The following NAP1L4 variants were observed in gnomAD, a reference collection of about 807,000 sequenced individuals.
NAP1L4 encodes nucleosome assembly protein 1 like 4.
A neutral mutation model predicts 58.2 loss-of-function variants in NAP1L4; 15 were observed. That is an observed-to-expected ratio of 0.26 (90% CI 0.17 to 0.40). The LOEUF (loss-of-function observed/expected upper bound fraction) is 0.40, where lower values mean the gene tolerates loss of function less well. NAP1L4 is among the 10% of genes least tolerant of loss of function. The pLI, the probability that NAP1L4 is intolerant of heterozygous loss-of-function variation, is 1.00. For missense variants in NAP1L4, 384 were observed against 451.1 expected (o/e 0.85, Z 1.35); for synonymous variants, 171 against 155.6 (o/e 1.10, Z -0.74).
intron 1 of NAP1L4, among the ~76,000 whole-genome samples, chr11:2,980,662 G>A (rs905826134): frequency 6.6e-6 from 1 of 152,074 alleles, no homozygotes; most frequent in African/African-American, 2.4e-5. Context: ...ACTGGCCAAT[G>A]TTCATTCTTC....
intron 8 of NAP1L4, among the ~76,000 whole-genome samples, chr11:2,960,698 C>CA (rs905018951): frequency 3.9e-5 from 6 of 151,912 alleles, no homozygotes; most frequent in South Asian, 2.1e-4. Flanking sequence ...TTGGCAATAT[C>CA]AAAAAAAATT....
intron 15 of NAP1L4, among the ~76,000 whole-genome samples, chr11:2,947,799 T>C (rs1302512429): frequency 6.6e-6 from 1 of 151,778 alleles, no homozygotes; most frequent in East Asian, 1.9e-4. Context: ...ATTTAAAAGG[T>C]GGGGTTTGAA....
intron 1 of NAP1L4, among the ~76,000 whole-genome samples, chr11:2,984,651 A>T (rs1467568442): frequency 6.6e-6 from 1 of 152,138 alleles, no homozygotes; most frequent in Non-Finnish European, 1.5e-5. Context: ...ATTCCTACCA[A>T]TTCAGGCCCT....
chr11:2,975,042 G>C (rs920898923), intron 4 of NAP1L4, among the ~76,000 whole-genome samples: 1 of 151,656 alleles, frequency 6.6e-6, no homozygotes, highest in Admixed American at 6.6e-5. Flanking sequence ...CCTTCTTGTC[G>C]TAATAGCCCT....
At chr11:2,980,107 G>C (rs1456745864) in intron 1 of NAP1L4, among the ~76,000 whole-genome samples, 23 of 152,286 alleles carry the variant, frequency 1.5e-4, no homozygotes, top group Non-Finnish European at 1.5e-5. Flanking sequence ...GGTAGAATTA[G>C]ATGACATTGT....
chr11:2,973,123 C>A (rs1269028962), intron 4 of NAP1L4, among the ~76,000 whole-genome samples: 1 of 152,176 alleles, frequency 6.6e-6, no homozygotes, highest in Non-Finnish European at 1.5e-5. Flanking sequence ...TATTTAGTGC[C>A]ACGTGGGAAT....
intron 1 of NAP1L4, among the ~76,000 whole-genome samples, chr11:2,985,703 T>C (rs561183209): frequency 6.6e-6 from 1 of 151,880 alleles, no homozygotes; most frequent in African/African-American, 2.4e-5. Context: ...AAATAATAAC[T>C]AAAAATAAAT....
intron 3 of NAP1L4, among the ~76,000 whole-genome samples, chr11:2,977,498 T>C (rs1024530931): frequency 4.6e-5 from 7 of 152,182 alleles, no homozygotes; most frequent in African/African-American, 7.2e-5. Flanking sequence ...AGCGCTGATA[T>C]GTTGATGTAT....
chr11:2,975,169 A>AAT (rs71035455), intron 4 of NAP1L4, among the ~76,000 whole-genome samples: 10 of 149,206 alleles, frequency 6.7e-5, no homozygotes, highest in Non-Finnish European at 1.3e-4. Context: ...AAAAAAAAAA[A>AAT]TTGCCATGCA....
chr11:2,979,597 AC>A (rs1848182153), intron 1 of NAP1L4, among the ~76,000 whole-genome samples: 2 of 151,966 alleles, frequency 1.3e-5, no homozygotes, highest in South Asian at 4.2e-4. Flanking sequence ...ACATGGTGAA[AC>A]CCCATCTCTA....
chr11:2,964,450 A>G (rs922000881), intron 8 of NAP1L4, among the ~76,000 whole-genome samples: 2 of 152,204 alleles, frequency 1.3e-5, no homozygotes, highest in Non-Finnish European at 2.9e-5. Flanking sequence ...ACTCACGACT[A>G]CAGTGCCAAG....
At position 2,946,922 on chromosome 11, in the gene NAP1L4, A is replaced by G. The variant is rs1261811360; in HGVS notation, c.*33-1276T>C. Among the ~76,000 whole-genome samples, 1 of 152,202 alleles carries G rather than the reference A, an allele frequency of 6.6e-6. No homozygotes were observed. Among genetic ancestry groups the G allele is most frequent in the South Asian group, 2.1e-4 (1 of 4,824 alleles). ...GATGCAGGGCGCCCCGAGCAGGAGCAGTGAGGGGAGGAGTGGGACAAGCAG... is the reference window on the plus strand; with the variant it reads ...GATGCAGGGCGCCCCGAGCAGGAGCGGTGAGGGGAGGAGTGGGACAAGCAG... On this transcript the variant is annotated intron_variant, in intron 15 of 15. Coordinates refer to ENST00000380542, the MANE Select transcript of NAP1L4 (RefSeq NM_005969.4). This position sits in a 1 kb window ranked among gnomAD's most constrained non-coding sequence, Gnocchi z 4.8.
Position 2,951,219 on chromosome 11 carries a change from A to G in NAP1L4, c.1122+40T>C. 6.5e-7 allele frequency: 1 copy of G among 1,528,938 alleles called. No homozygotes were observed. The highest frequency in any genetic ancestry group is 1.1e-5 in the South Asian group (1 of 88,824). The allele number at this position is 1,528,938 out of a possible 1,614,324, so 94.7% of individuals were successfully genotyped here. On this transcript the variant is annotated intron_variant, in intron 14 of 15. Coordinates refer to ENST00000380542, the MANE Select transcript of NAP1L4 (RefSeq NM_005969.4). The surrounding 1 kb of genome is among the most constrained non-coding windows in gnomAD (Gnocchi z 4.0). ...AACATTTTTAAAAGTCTAAGAGTGC[A>G]GCATAATAAGTAGGTCTGGGTGGCC...
At chr11:2,977,319 T>G (rs1010964168) in intron 3 of NAP1L4, among the ~76,000 whole-genome samples, 2 of 152,140 alleles carry the variant, frequency 1.3e-5, no homozygotes, top group Non-Finnish European at 2.9e-5. Flanking sequence ...TCAATCTCAG[T>G]GTCCTTGGGC....
chr11:2,976,910 C>T (rs957764031), intron 3 of NAP1L4, among the ~76,000 whole-genome samples: 5 of 152,184 alleles, frequency 3.3e-5, no homozygotes, highest in African/African-American at 9.6e-5. Context: ...ATACAGAAAT[C>T]CAAACCCAGC....
At chr11:2,984,780 A>C (rs963151013) in intron 1 of NAP1L4, among the ~76,000 whole-genome samples, 3 of 143,164 alleles carry the variant, frequency 2.1e-5, no homozygotes, top group Non-Finnish European at 3.1e-5. Flanking sequence ...TAATGGAGAC[A>C]AATTTCCTAG....
rs1190923983 is a variant in NAP1L4 at position 2,979,087 on chromosome 11, C to A, written c.14+120G>T. On this transcript the variant is annotated intron_variant, in intron 2 of 15. Transcript: ENST00000380542. ...CTCAAATACATACACAAGAAATGAG[C>A]CATCAGCTAGACGCTGAAATGCATT... 19 of 989,240 alleles carry A rather than the reference C, an allele frequency of 1.9e-5. No homozygotes were observed. In the African/African-American group the frequency reaches 2.3e-4, roughly 12 times the overall value. 61.3% of individuals were successfully genotyped at this position (989,240 alleles called of 1,614,324 possible).
chr11:2,989,792 T>C (rs960683481), intron 1 of NAP1L4: 6 of 152,228 alleles, frequency 3.9e-5, no homozygotes, highest in Admixed American at 2.0e-4. Context: ...AAATTCATAC[T>C]GTAAAGTGGT....
At position 2,948,111 on chromosome 11, in the gene NAP1L4, TC is replaced by T. The variant is rs1240970539; in HGVS notation, c.*32+1115del. 6.6e-6 allele frequency among the ~76,000 whole-genome samples: 1 copy of T among 152,182 alleles called. No homozygotes were observed. Among genetic ancestry groups the T allele is most frequent in the Non-Finnish European group, 1.5e-5 (1 of 68,026 alleles). On this transcript the variant is annotated intron_variant, in intron 15 of 15. Coordinates refer to ENST00000380542, the MANE Select transcript of NAP1L4 (RefSeq NM_005969.4). This position sits in a 1 kb window ranked among gnomAD's most constrained non-coding sequence, Gnocchi z 5.1. ...GGTGGAATAAGAGTGGCTAAGTTCT[TC>T]AGACATGCGGGGACAACAGGAATTA...
Sources: gnomAD v4.1 joint callset for allele counts (sites outside exome capture counted in the v4.1 genomes callset) on GRCh38, gnomAD v4.1.1 for gene constraint, Gnocchi (gnomAD v3.1) non-coding constraint, MANE v1.5 for transcripts, NCBI Gene and HGNC (gene_info 2026-07-23, HGNC 2026-07-21) for gene names.